JMJD1C: variants seen among roughly 807,000 people sequenced by gnomAD.
JMJD1C encodes jumonji domain containing 1C.
JMJD1C carries 31 observed loss-of-function variants against 245.3 expected under a neutral mutation model. The ratio of observed to expected loss-of-function variants is 0.13; its 90% CI spans 0.09 to 0.17. The LOEUF (loss-of-function observed/expected upper bound fraction) is 0.17. Among genes scored for constraint, JMJD1C ranks in the 10% least tolerant of loss-of-function variants. The pLI is 1.00. For synonymous variants in JMJD1C, 1,057 were observed against 1,017.4 expected, an observed-to-expected ratio of 1.04 and a Z score of -0.74; for missense variants, 2,691 against 3,000.2, an observed-to-expected ratio of 0.90 and a Z score of 2.41.
At chr10:63,352,637 C>CAAAAA (rs145589142) in intron 2 of JMJD1C, among the ~76,000 whole-genome samples, 1 of 96,780 alleles carries the variant, frequency 1.0e-5, no homozygotes, top group Non-Finnish European at 2.1e-5. Flanking sequence ...GACTCTGTCT[C>CAAAAA]AAAAAAAAAA....
Position 63,207,988 on chromosome 10 carries a change from A to C in JMJD1C, c.3681T>G (p.Leu1227=), listed in dbSNP as rs746245595. The C allele has an allele frequency of 2.5e-6, 4 of 1,614,160 alleles. No individual in the cohort carries two copies. The South Asian group carries it at 4.4e-5, about 18-fold the overall frequency. ...TCACCGGAGTTAAAGTTGGAGGGGA[A>C]AGACTACTATAGCTGCCTTCCTTTC... ...LERKEGSYSS[L]SPPTLTPVMP... is the part of the protein sequence containing the mutation. Residue 1227 remains leucine (L), a synonymous_variant, in exon 10 of 26, where the codon CTT becomes CTG. Coordinates refer to ENST00000399262, the MANE Select transcript of JMJD1C (RefSeq NM_032776.3).
At chr10:63,241,020 T>G (rs901194230) in intron 3 of JMJD1C, among the ~76,000 whole-genome samples, 3 of 152,324 alleles carry the variant, frequency 2.0e-5, no homozygotes, top group Middle Eastern at 3.4e-3. Context: ...TATGATACTC[T>G]TATCATTCCT....
chr10:63,372,123 G>C (rs559690908), intron 2 of JMJD1C, among the ~76,000 whole-genome samples: 2 of 152,182 alleles, frequency 1.3e-5, no homozygotes, highest in African/African-American at 4.8e-5. Flanking sequence ...TCCTTTGAGG[G>C]GGTTTCTTTT....
At chr10:63,503,799 C>A (rs1323644145) in intron 1 of JMJD1C, among the ~76,000 whole-genome samples, 1 of 152,216 alleles carries the variant, frequency 6.6e-6, no homozygotes, top group East Asian at 1.9e-4. Flanking sequence ...TTGCCTTTGA[C>A]AACTTTCGTA....
chr10:63,370,008 G>A (rs1412750404), intron 2 of JMJD1C, among the ~76,000 whole-genome samples: 1 of 152,204 alleles, frequency 6.6e-6, no homozygotes. Context: ...CTTTCAGCTA[G>A]TATGTGATTT....
At chr10:63,437,208 G>A (rs575428812) in intron 1 of JMJD1C, among the ~76,000 whole-genome samples, 2 of 152,238 alleles carry the variant, frequency 1.3e-5, no homozygotes, top group South Asian at 2.1e-4. Flanking sequence ...AAAGATTAAC[G>A]ATGTCAGTTA....
At chr10:63,331,975 A>G (rs1013062431) in intron 2 of JMJD1C, among the ~76,000 whole-genome samples, 1 of 152,156 alleles carries the variant, frequency 6.6e-6, no homozygotes, top group Admixed American at 6.6e-5. Flanking sequence ...TACACATACT[A>G]CCCATATTCA....
chr10:63,387,629 A>AAAT lies in JMJD1C; in HGVS notation c.169-7148_169-7147insATT, dbSNP rs1554915199. On this transcript the variant is annotated intron_variant, in intron 1 of 25. Transcript: ENST00000399262. ...AGTCAGAAGAAAAAAGAAAAAAAAA[A>AAAT]TTTTTTTTTTTTTTTTTTTTTTTTG... Among the ~76,000 whole-genome samples the AAAT allele has an allele frequency of 2.2e-3, 83 of 37,884 alleles. 5 individuals carry two copies. In the East Asian group the frequency reaches 0.044, roughly 20 times the overall value. 24.9% of individuals were successfully genotyped at this position (37,884 alleles called of 152,430 possible). A position where few individuals can be genotyped will look rare whatever the true frequency, so the allele number is the denominator to read the frequency against.
At chr10:63,328,358 A>C (rs1376144451) in intron 2 of JMJD1C, among the ~76,000 whole-genome samples, 1 of 152,136 alleles carries the variant, frequency 6.6e-6, no homozygotes, top group African/African-American at 2.4e-5. Flanking sequence ...ATTTGAGAGG[A>C]TTAGGGGAAA....
intron 19 of JMJD1C, 81 bp downstream of exon 19, chr10:63,186,134 A>G: frequency 8.8e-7 from 1 of 1,130,656 alleles, no homozygotes; most frequent in Non-Finnish European, 1.3e-6. Flanking sequence ...TTCAAAGACT[A>G]AAAATCTGTT....
chr10:63,250,710 TTTGGAGG>T lies in JMJD1C; in HGVS notation c.447+13934_447+13940del, dbSNP rs1852936745. Among the ~76,000 whole-genome samples the T allele has an allele frequency of 2.0e-5, 3 of 152,284 alleles. No homozygotes were observed. In the South Asian group the frequency reaches 6.2e-4, roughly 32 times the overall value. ...GAGAGAAACAGTTAGAAACTCATCC[TTTGGAGG>T]TGGGTTAGGTATGGTATTTTTGCTT... On this transcript the variant is annotated intron_variant, in intron 3 of 25. Coordinates refer to ENST00000399262, the MANE Select transcript of JMJD1C (RefSeq NM_032776.3).
chr10:63,416,711 C>T (rs969894340), intron 1 of JMJD1C, among the ~76,000 whole-genome samples: 1 of 152,092 alleles, frequency 6.6e-6, no homozygotes, highest in Non-Finnish European at 1.5e-5. Context: ...TATAACTTAG[C>T]TTTGTAATAA....
chr10:63,342,349 A>G (rs577084101), intron 2 of JMJD1C, among the ~76,000 whole-genome samples: 1 of 152,362 alleles, frequency 6.6e-6, no homozygotes, highest in Admixed American at 6.5e-5. Flanking sequence ...AGAACAAGAA[A>G]TCATGTCAGT....
At chr10:63,441,957 T>G (rs532807003) in intron 1 of JMJD1C, among the ~76,000 whole-genome samples, 2 of 152,336 alleles carry the variant, frequency 1.3e-5, no homozygotes, top group East Asian at 1.9e-4. Context: ...ACTAGACATT[T>G]AAATATTCAA....
At chr10:63,192,870 A>C in intron 16 of JMJD1C, 68 bp downstream of exon 16, 1 of 1,169,258 alleles carries the variant, frequency 8.6e-7, no homozygotes, top group Non-Finnish European at 1.3e-6. Flanking sequence ...TTTATTGTAC[A>C]ATAGTACATT....
chr10:63,404,197 C>T (rs550700012), intron 1 of JMJD1C, among the ~76,000 whole-genome samples: 86 of 152,122 alleles, frequency 5.7e-4, no homozygotes, highest in Non-Finnish European at 1.0e-3. Flanking sequence ...ATCAAGACTG[C>T]ACTGTAATGA....
At chr10:63,299,887 G>GA (rs1564753015) in intron 2 of JMJD1C, among the ~76,000 whole-genome samples, 1 of 144,948 alleles carries the variant, frequency 6.9e-6, no homozygotes, top group East Asian at 2.0e-4. Context: ...TGAATTTTCA[G>GA]TTTTTTTTTT....
At chr10:63,186,437 G>A in intron 18 of JMJD1C, 54 bp from the exon 19 acceptor site, 1 of 1,253,980 alleles carries the variant, frequency 8.0e-7, no homozygotes, top group Non-Finnish European at 1.1e-6. Context: ...TTTCTTTTTT[G>A]TTTGTTTGTT....
chr10:63,431,990 G>A lies in JMJD1C; in HGVS notation c.168+33505C>T, dbSNP rs374249254. 9.2e-5 allele frequency among the ~76,000 whole-genome samples: 14 copies of A among 152,256 alleles called. No individual in the cohort carries two copies. In the East Asian group the frequency reaches 1.5e-3, roughly 17 times the overall value. On this transcript the variant is annotated intron_variant, in intron 1 of 25. Transcript: ENST00000399262. ...TGGCGTCACTGCACTCCAGCCTGGCGACAGAGCAAGACTCCGTCTGAAAAG... is the reference window on the plus strand; with the variant it reads ...TGGCGTCACTGCACTCCAGCCTGGCAACAGAGCAAGACTCCGTCTGAAAAG...
Sources: allele counts gnomAD v4.1 joint callset (sites outside exome capture counted in the v4.1 genomes callset), GRCh38; gene constraint gnomAD v4.1.1; transcripts MANE v1.5; gene names NCBI Gene and HGNC (gene_info 2026-07-23, HGNC 2026-07-21).